The following KCNK1 variants were observed in gnomAD, a reference collection of about 807,000 sequenced individuals.
KCNK1 encodes the protein potassium two pore domain channel subfamily K member 1.
A neutral mutation model predicts 22.2 loss-of-function variants in KCNK1; 10 were observed. The observed-to-expected ratio is 0.45, with a 90% CI of 0.28 to 0.76. KCNK1 has a LOEUF of 0.76. Ranked by LOEUF, KCNK1 falls within the 30% of genes least tolerant of loss-of-function variation. KCNK1 has a pLI of 0.14. For missense variants in KCNK1, 378 were observed against 421.0 expected (o/e 0.90, Z 0.89); for synonymous variants, 200 against 186.4 (o/e 1.07, Z -0.60).
At chr1:233,660,385 A>G (rs911458985) in intron 1 of KCNK1, 11 of 152,210 alleles carry the variant, frequency 7.2e-5, no homozygotes, top group African/African-American at 2.7e-4. Context: ...TTATGCTTAT[A>G]TCACTGATAT....
chr1:233,656,812 C>T (rs1000156622), intron 1 of KCNK1, among the ~76,000 whole-genome samples: 1 of 151,974 alleles, frequency 6.6e-6, no homozygotes. Flanking sequence ...ATAGACAGAG[C>T]TCACTATGTT....
intron 1 of KCNK1, among the ~76,000 whole-genome samples, chr1:233,664,734 C>A (rs986445675): frequency 6.6e-6 from 1 of 152,164 alleles, no homozygotes; most frequent in South Asian, 2.1e-4. Context: ...TTTTAATAAC[C>A]ACACACACTT....
chr1:233,632,082 A>G (rs1223876642), intron 1 of KCNK1, among the ~76,000 whole-genome samples: 1 of 152,226 alleles, frequency 6.6e-6, no homozygotes, highest in Non-Finnish European at 1.5e-5. Flanking sequence ...GCTTACTGGA[A>G]CAGGAAAACA....
Position 233,671,710 on chromosome 1 carries a change from AC to A in KCNK1, c.*184del. ...AGACAAATGGAACAAAGAAGCTGTG[AC>A]CCCAGCAGGATGTCTAATATGTGAG... On this transcript the variant is annotated 3_prime_UTR_variant, in exon 3 of 3. Coordinates refer to ENST00000366621, the MANE Select transcript of KCNK1 (RefSeq NM_002245.4). 1 of 700,682 alleles carries A rather than the reference AC, an allele frequency of 1.4e-6. No individual in the cohort carries two copies. 43.4% of individuals were successfully genotyped at this position (700,682 alleles called of 1,614,324 possible).
intron 1 of KCNK1, among the ~76,000 whole-genome samples, chr1:233,619,192 T>C (rs1191042967): frequency 6.6e-6 from 1 of 151,918 alleles, no homozygotes; most frequent in East Asian, 2.0e-4. Context: ...CAATTTTTTT[T>C]TCATTTTTCT....
At chr1:233,659,448 C>T (rs1658354023) in intron 1 of KCNK1, among the ~76,000 whole-genome samples, 1 of 147,960 alleles carries the variant, frequency 6.8e-6, no homozygotes, top group Non-Finnish European at 1.5e-5. Flanking sequence ...AAAAAAATGT[C>T]AAATGTAAAC....
At chr1:233,625,615 C>T (rs948974276) in intron 1 of KCNK1, among the ~76,000 whole-genome samples, 1 of 152,068 alleles carries the variant, frequency 6.6e-6, no homozygotes, top group Admixed American at 6.5e-5. Context: ...GGGAAATGCA[C>T]AGGATGTTAG....
At chr1:233,620,927 G>A (rs1289407695) in intron 1 of KCNK1, among the ~76,000 whole-genome samples, 1 of 152,132 alleles carries the variant, frequency 6.6e-6, no homozygotes, top group African/African-American at 2.4e-5. Context: ...TCCATGCATT[G>A]CAATAAACTG....
chr1:233,667,516 G>C (rs1658516103), intron 2 of KCNK1, among the ~76,000 whole-genome samples: 1 of 151,874 alleles, frequency 6.6e-6, no homozygotes, highest in African/African-American at 2.4e-5. Flanking sequence ...GGATCACGAG[G>C]TCAGGAGATC....
chr1:233,641,562 A>T (rs1657999732), intron 1 of KCNK1, among the ~76,000 whole-genome samples: 1 of 152,176 alleles, frequency 6.6e-6, no homozygotes, highest in Non-Finnish European at 1.5e-5. Flanking sequence ...CAGTAAGCGG[A>T]TGGGGTGTTA....
intron 1 of KCNK1, among the ~76,000 whole-genome samples, chr1:233,615,729 C>T (rs928713442): frequency 2.7e-5 from 4 of 149,272 alleles, no homozygotes; most frequent in East Asian, 4.2e-4. Context: ...CTTCCTTCCT[C>T]CCCACCCCCC....
chr1:233,638,920 C>G (rs1657958120), intron 1 of KCNK1, among the ~76,000 whole-genome samples: 1 of 152,132 alleles, frequency 6.6e-6, no homozygotes, highest in South Asian at 2.1e-4. Context: ...TTTCCCACTA[C>G]CTCGGGGTAA....
In KCNK1 at chr1:233,666,554, G is replaced by T. The variant is rs755171042; in HGVS notation, c.356-41G>T. On this transcript the variant is annotated intron_variant, in intron 1 of 2. Coordinates refer to ENST00000366621, the MANE Select transcript of KCNK1 (RefSeq NM_002245.4). Reference sequence around the variant, plus strand: ...TGTTTAAAAACGTGTTTGCCACTTTGTCTCTTCCTCTTCGCCTCAGTGACC... The same window carrying T: ...TGTTTAAAAACGTGTTTGCCACTTTTTCTCTTCCTCTTCGCCTCAGTGACC... 4 of 1,549,224 alleles carry T rather than the reference G, an allele frequency of 2.6e-6. No homozygotes were observed. The South Asian group carries it at 5.0e-5, about 19-fold the overall frequency.
rs113194883 is a variant in KCNK1, at chr1:233,625,083, C to G, written c.355+10557C>G. Among the ~76,000 whole-genome samples the G allele has an allele frequency of 1.5e-3, 222 of 152,276 alleles. 3 individuals are homozygous for G. The highest frequency in any genetic ancestry group is 5.1e-3 in the African/African-American group (212 of 41,546). ...GACCATAGTTTATGTGACATGGGAG[C>G]CTTCAGAATGAAGACCCAAAAACAC... On this transcript the variant is annotated intron_variant, in intron 1 of 2. Transcript: ENST00000366621.
chr1:233,616,773 GT>G (rs1657493997), intron 1 of KCNK1, among the ~76,000 whole-genome samples: 1 of 152,198 alleles, frequency 6.6e-6, no homozygotes, highest in Non-Finnish European at 1.5e-5. Flanking sequence ...TTCATTTGAT[GT>G]TTTTTAAAGT....
At chr1:233,640,783 C>T (rs753831701) in intron 1 of KCNK1, among the ~76,000 whole-genome samples, 4 of 152,132 alleles carry the variant, frequency 2.6e-5, no homozygotes, top group African/African-American at 4.8e-5. Context: ...CAGCTCACTA[C>T]AGCCTCCACC....
chr1:233,614,270 C>T lies in KCNK1; in HGVS notation c.99C>T (p.Tyr33=), dbSNP rs765442180. The change falls in exon 1 of 3, where the codon TAC becomes TAT. Residue 33 remains tyrosine (Y), a synonymous_variant. Transcript: ENST00000366621. ...FGFLVLGYLL[Y]LVFGAVVFSS... ...TCCTGGTGCTGGGCTACTTGCTCTA[C>T]CTGGTCTTCGGCGCAGTGGTCTTCT... 1.2e-6 allele frequency: 2 copies of T among 1,613,512 alleles called. No homozygotes were observed. The highest frequency in any genetic ancestry group is 3.3e-5 in the Admixed American group (2 of 59,996).
chr1:233,659,952 C>T (rs1383765037), intron 1 of KCNK1, among the ~76,000 whole-genome samples: 1 of 152,214 alleles, frequency 6.6e-6, no homozygotes, highest in Non-Finnish European at 1.5e-5. Flanking sequence ...ACCTGGAAGA[C>T]ACAGTACTGC....
At chr1:233,650,155 A>G (rs927901374) in intron 1 of KCNK1, 2 of 416,834 alleles carry the variant, frequency 4.8e-6, no homozygotes, top group Non-Finnish European at 9.9e-6. Flanking sequence ...ATTTACCAGC[A>G]TCTACTGATA....
Sources: gnomAD v4.1 joint callset for allele counts (sites outside exome capture counted in the v4.1 genomes callset) on GRCh38, gnomAD v4.1.1 for gene constraint, MANE v1.5 for transcripts, NCBI Gene and HGNC (gene_info 2026-07-23, HGNC 2026-07-21) for gene names.